Variants in COL19A1 observed in about 807,000 individuals in gnomAD.
COL19A1 encodes the protein collagen alpha-1(XIX) chain.
Under a neutral mutation model 190.2 loss-of-function variants are expected in COL19A1, and 159 were observed. The ratio of observed to expected loss-of-function variants is 0.84; its 90% CI spans 0.73 to 0.95. The LOEUF is 0.95. Among genes scored for constraint, COL19A1 ranks in the 40% least tolerant of loss-of-function variants. COL19A1 has a pLI of 0.00. For synonymous variants in COL19A1, 509 were observed against 458.9 expected (o/e 1.11, Z -1.39); for missense variants, 1,418 against 1,431.9 (o/e 0.99, Z 0.16).
At chr6:70,038,326 G>A (rs1432751948) in intron 14 of COL19A1, among the ~76,000 whole-genome samples, 1 of 152,148 alleles carries the variant, frequency 6.6e-6, no homozygotes, top group Admixed American at 6.5e-5. Flanking sequence ...CCTGATGTGG[G>A]ACCAGTATAT....
intron 11 of COL19A1, among the ~76,000 whole-genome samples, chr6:70,020,184 A>C (rs1426798087): frequency 6.6e-6 from 1 of 152,034 alleles, no homozygotes; most frequent in Non-Finnish European, 1.5e-5. Flanking sequence ...CTATTATTAT[A>C]TTTCTTATGA....
chr6:70,209,027 G>C lies in COL19A1; in HGVS notation c.*1753G>C, dbSNP rs984452327. 6.6e-6 allele frequency: 1 copy of C among 152,170 alleles called. No individual in the cohort carries two copies. Among genetic ancestry groups the C allele is most frequent in the South Asian group, 2.1e-4 (1 of 4,794 alleles). The allele number at this position is 152,170 out of a possible 1,614,324, so 9.4% of individuals were successfully genotyped here. On this transcript the variant is annotated 3_prime_UTR_variant, in exon 51 of 51. Coordinates refer to ENST00000620364, the MANE Select transcript of COL19A1 (RefSeq NM_001858.6). Reference sequence around the variant, plus strand: ...TTATTTTATTTATTGTAAGCATTTTGACATTGATTTTTTTTTTTTCGTTTT... The same window carrying C: ...TTATTTTATTTATTGTAAGCATTTTCACATTGATTTTTTTTTTTTCGTTTT...
At chr6:70,128,936 T>G (rs1375052390) in intron 17 of COL19A1, among the ~76,000 whole-genome samples, 1 of 152,198 alleles carries the variant, frequency 6.6e-6, no homozygotes, top group Non-Finnish European at 1.5e-5. Flanking sequence ...TCTCCATGAT[T>G]ACATTTTAAA....
intron 11 of COL19A1, among the ~76,000 whole-genome samples, chr6:69,996,052 AAAC>A (rs1776886270): frequency 6.6e-6 from 1 of 152,114 alleles, no homozygotes; most frequent in Admixed American, 6.6e-5. Context: ...AATTTATCTC[AAAC>A]TTTATCTCGA....
At chr6:70,041,519 T>TA (rs1779632197) in intron 14 of COL19A1, among the ~76,000 whole-genome samples, 1 of 152,092 alleles carries the variant, frequency 6.6e-6, no homozygotes, top group South Asian at 2.1e-4. Flanking sequence ...AACCAAACCT[T>TA]AAACAACCCT....
chr6:70,207,302 G>C lies in COL19A1; in HGVS notation c.*28G>C, dbSNP rs577731720. On this transcript the variant is annotated 3_prime_UTR_variant, in exon 51 of 51. Coordinates refer to ENST00000620364, the MANE Select transcript of COL19A1 (RefSeq NM_001858.6). ...ACACCTGAAGAAGACTTGGTTCCTG[G>C]TAACATTTCCTTGCCACTGGAGCTC... The C allele has an allele frequency of 8.8e-6, 14 of 1,592,358 alleles. No homozygotes were observed. Among genetic ancestry groups the C allele is most frequent in the African/African-American group, 1.4e-5 (1 of 73,420 alleles).
chr6:70,049,830 C>T (rs1242034169), intron 14 of COL19A1, among the ~76,000 whole-genome samples: 1 of 151,978 alleles, frequency 6.6e-6, no homozygotes, highest in African/African-American at 2.4e-5. Flanking sequence ...TGCAGCAAAG[C>T]ACGTATTTAT....
chr6:70,106,329 C>CAT (rs59608953), intron 16 of COL19A1, among the ~76,000 whole-genome samples: 45,188 of 149,306 alleles, frequency 0.3, 7,011 homozygotes, highest in Non-Finnish European at 0.36. Context: ...TAAGTGTGTG[C>CAT]GTGTGTGTGT....
chr6:70,178,612 A>C (rs952414519), intron 42 of COL19A1, among the ~76,000 whole-genome samples: 2 of 152,146 alleles, frequency 1.3e-5, no homozygotes. Flanking sequence ...AATGGTTTAG[A>C]GGGTAAACTT....
chr6:70,088,954 G>C (rs1051875991), intron 15 of COL19A1, among the ~76,000 whole-genome samples: 1 of 152,100 alleles, frequency 6.6e-6, no homozygotes, highest in East Asian at 1.9e-4. Context: ...TTTAGTTATT[G>C]TTGATTTTTG....
At chr6:70,140,191 G>C (rs1450841881) in intron 19 of COL19A1, among the ~76,000 whole-genome samples, 1 of 151,872 alleles carries the variant, frequency 6.6e-6, no homozygotes, top group Admixed American at 6.6e-5. Flanking sequence ...CAAAATCTGA[G>C]GATGCTCAAG....
At chr6:70,009,647 A>G (rs887729338) in intron 11 of COL19A1, among the ~76,000 whole-genome samples, 1 of 144,402 alleles carries the variant, frequency 6.9e-6, no homozygotes, top group Non-Finnish European at 1.5e-5. Context: ...AATGATTTTT[A>G]AAAAAATAAC....
chr6:70,019,689 T>A (rs1778311959), intron 11 of COL19A1, among the ~76,000 whole-genome samples: 1 of 152,140 alleles, frequency 6.6e-6, no homozygotes, highest in Non-Finnish European at 1.5e-5. Flanking sequence ...TGATTTATTT[T>A]ATTTGTAAAG....
intron 4 of COL19A1, among the ~76,000 whole-genome samples, chr6:69,901,915 T>C (rs1273616735): frequency 6.6e-6 from 1 of 152,346 alleles, no homozygotes; most frequent in East Asian, 1.9e-4. Flanking sequence ...CTGGAAAACT[T>C]GCTGCGACAT....
chr6:69,952,881 T>C (rs1332223742), intron 9 of COL19A1, among the ~76,000 whole-genome samples: 1 of 152,012 alleles, frequency 6.6e-6, no homozygotes, highest in African/African-American at 2.4e-5. Context: ...CCAATCACTG[T>C]TGTGAATTAT....
At position 70,206,992 on chromosome 6, in the gene COL19A1, T is replaced by C; in HGVS notation, c.3301+14T>C. 1 of 1,612,616 alleles carries C rather than the reference T, an allele frequency of 6.2e-7. No individual in the cohort carries two copies. Among genetic ancestry groups the C allele is most frequent in the Non-Finnish European group, 8.5e-7 (1 of 1,179,518 alleles). On this transcript the variant is annotated intron_variant, in intron 50 of 50. Transcript: ENST00000620364. ...CTGGGACTTCAGGTAAGTGGGATATTGTCTTCACAACACAAGCAAGCCTTT... is the reference window on the plus strand; with the variant it reads ...CTGGGACTTCAGGTAAGTGGGATATCGTCTTCACAACACAAGCAAGCCTTT...
intron 42 of COL19A1, among the ~76,000 whole-genome samples, chr6:70,177,211 C>G (rs1019097161): frequency 2.0e-5 from 3 of 152,162 alleles, no homozygotes; most frequent in Non-Finnish European, 4.4e-5. Context: ...TTTGTGGTCA[C>G]GCTTTATGAA....
At chr6:69,879,120 G>A (rs916888990) in intron 1 of COL19A1, among the ~76,000 whole-genome samples, 20 of 152,108 alleles carry the variant, frequency 1.3e-4, no homozygotes, top group African/African-American at 3.4e-4. Flanking sequence ...TGCAGATGGC[G>A]GGGATGGTTG....
rs773901381 is a variant in COL19A1, at chr6:69,938,022, A to G, written c.874-16A>G. The G allele has an allele frequency of 6.8e-6, 11 of 1,611,982 alleles. No homozygotes were observed. In the South Asian group the frequency reaches 9.9e-5, roughly 14 times the overall value. ...TGACAGAATGTTTGCTAACACAGAT[A>G]TGCATTTTTGCTCAGGGAGAAGCAG... On this transcript the variant is annotated splice_polypyrimidine_tract_variant and intron_variant, in intron 8 of 50. Coordinates refer to ENST00000620364, the MANE Select transcript of COL19A1 (RefSeq NM_001858.6).
Sources: gnomAD v4.1 joint callset for allele counts (sites outside exome capture counted in the v4.1 genomes callset) on GRCh38, gnomAD v4.1.1 for gene constraint, MANE v1.5 for transcripts, NCBI Gene and HGNC (gene_info 2026-07-23, HGNC 2026-07-21) for gene names.